The following TSKS variants were observed in gnomAD, a reference collection of about 807,000 sequenced individuals.
TSKS encodes testis specific serine kinase substrate.
TSKS carries 27 observed loss-of-function variants against 68.0 expected under a neutral mutation model. The ratio of observed to expected loss-of-function variants is 0.40; its 90% CI spans 0.29 to 0.55. The LOEUF (loss-of-function observed/expected upper bound fraction) is 0.55. Ranked by LOEUF, TSKS falls within the 20% of genes least tolerant of loss-of-function variation. TSKS has a pLI of 0.53. For synonymous variants in TSKS, 331 were observed against 340.4 expected (o/e 0.97, Z 0.30); for missense variants, 806 against 776.0 (o/e 1.04, Z -0.46).
chr19:49,744,168 C>G, intron 8 of TSKS, 63 bp downstream of exon 8: 1 of 1,545,892 alleles, frequency 6.5e-7, no homozygotes, highest in Non-Finnish European at 8.9e-7. Flanking sequence ...TGTCCCATCT[C>G]CTTCCGCATC....
At chr19:49,757,890 CTTT>C (rs745890038) in intron 2 of TSKS, among the ~76,000 whole-genome samples, 8 of 130,164 alleles carry the variant, frequency 6.1e-5, no homozygotes, top group Non-Finnish European at 6.5e-5. Context: ...TCTCTGTCTT[CTTT>C]TTTTTTTTTT....
intron 7 of TSKS, 149 bp downstream of exon 7, chr19:49,745,053 C>G (rs969674326): frequency 1.3e-6 from 1 of 741,482 alleles, no homozygotes; most frequent in Non-Finnish European, 2.1e-6. Flanking sequence ...ACCCTTCCTG[C>G]TCTCTAATTG....
At chr19:49,745,425 G>C (rs765311614) in intron 6 of TSKS, 29 bp from the exon 7 acceptor site, 12 of 1,492,114 alleles carry the variant, frequency 8.0e-6, no homozygotes, top group Admixed American at 2.1e-5. Context: ...GGAATGGGTA[G>C]GGGCTAGGCT....
intron 6 of TSKS, 73 bp from the exon 7 acceptor site, chr19:49,745,469 T>G (rs2084290682): frequency 3.8e-6 from 5 of 1,313,522 alleles, no homozygotes; most frequent in African/African-American, 1.5e-5. Context: ...ACGAGATAGG[T>G]GGGACAGGAC....
chr19:49,744,607 G>A (rs575975523), intron 7 of TSKS, among the ~76,000 whole-genome samples: 2 of 152,250 alleles, frequency 1.3e-5, no homozygotes, highest in Admixed American at 6.5e-5. Context: ...TTTTGAGCCA[G>A]GGTCTGGCTC....
chr19:49,763,268 A>G lies in TSKS; in HGVS notation c.-21T>C, dbSNP rs1390678912. 3 of 1,476,124 alleles carry G rather than the reference A, an allele frequency of 2.0e-6. No individual in the cohort carries two copies. The highest frequency in any genetic ancestry group is 2.7e-6 in the Non-Finnish European group (3 of 1,116,616). 91.4% of individuals were successfully genotyped at this position (1,476,124 alleles called of 1,614,324 possible). A position where few individuals can be genotyped will look rare whatever the true frequency, so the allele number is the denominator to read the frequency against. The stretch of plus-strand genomic sequence containing the variant: ...GCCATGGTGTGGGGGTCTGGCTCCC[A>G]GGGAGGGGCTCCTTCCTCTGAGACT... On this transcript the variant is annotated 5_prime_UTR_variant, in exon 1 of 11. Coordinates refer to ENST00000246801, the MANE Select transcript of TSKS (RefSeq NM_021733.2). This position sits in a 1 kb window ranked among gnomAD's most constrained non-coding sequence, Gnocchi z 4.5.
At position 49,745,252 on chromosome 19, in the gene TSKS, C is replaced by T. The variant is rs539802551; in HGVS notation, c.1137G>A (p.Thr379=). The change falls in exon 7 of 11, where the codon ACG becomes ACA. Residue 379 remains threonine (T), a synonymous_variant. Transcript: ENST00000246801. The stretch of plus-strand genomic sequence containing the variant: ...CTCGCAGCTCCTGCAAGTCCCGCGC[C>T]GTCTGTGCCTGTTCGCGCTGTGCCC... The part of the protein sequence containing the change: ...WERAQREQAQ[T]ARDLQELRGR... 2.1e-5 allele frequency: 33 copies of T among 1,607,726 alleles called. No individual in the cohort carries two copies. The highest frequency in any genetic ancestry group is 5.5e-5 in the South Asian group (5 of 90,932).
chr19:49,763,123 C>T lies in TSKS; in HGVS notation c.125G>A (p.Arg42Gln), dbSNP rs146466500. The T allele has an allele frequency of 4.0e-5, 65 of 1,612,212 alleles. No homozygotes were observed. Among genetic ancestry groups the T allele is most frequent in the Admixed American group, 2.3e-4 (14 of 59,818 alleles). Residue 42 changes from arginine to glutamine, a missense_variant, in exon 1 of 11, where the codon CGG becomes CAG. Coordinates refer to ENST00000246801, the MANE Select transcript of TSKS (RefSeq NM_021733.2). This position sits in a 1 kb window ranked among gnomAD's most constrained non-coding sequence, Gnocchi z 4.5. ...VPEAPRRVTSRAKGIPKKKKA... is the reference protein window; with the variant it reads ...VPEAPRRVTSQAKGIPKKKKA... ...CTTTTTCTTCGGGATCCCCTTGGCC[C>T]GGCTGGTCACCCTCCGGGGAGCCTC...
intron 1 of TSKS, among the ~76,000 whole-genome samples, chr19:49,762,537 T>C (rs1411114173): frequency 6.6e-6 from 1 of 151,616 alleles, no homozygotes; most frequent in African/African-American, 2.4e-5. Flanking sequence ...CAAGCAATTC[T>C]CCTGCCTCAG....
Position 49,763,201 on chromosome 19 carries a change from T to C in TSKS, c.47A>G (p.His16Arg), listed in dbSNP as rs777535498. 2 of 1,568,066 alleles carry C rather than the reference T, an allele frequency of 1.3e-6. No homozygotes were observed. The highest frequency in any genetic ancestry group is 1.2e-5 in the South Asian group (1 of 85,756). The change falls in exon 1 of 11, where the codon CAT (histidine) becomes CGT (arginine). Residue 16 changes from histidine (H) to arginine (R), a missense_variant. Coordinates refer to ENST00000246801, the MANE Select transcript of TSKS (RefSeq NM_021733.2). The surrounding 1 kb of genome is among the most constrained non-coding windows in gnomAD (Gnocchi z 4.5). ...VKTIWQSKEI[H>R]EAGDTPTGVE... ...CCCCGTGGGGGTGTCCCCGGCCTCATGGATCTCTTTGGACTGCCAGATCGT... is the reference window on the plus strand; with the variant it reads ...CCCCGTGGGGGTGTCCCCGGCCTCACGGATCTCTTTGGACTGCCAGATCGT...
At chr19:49,751,893 A>C (rs1600195177) in intron 2 of TSKS, among the ~76,000 whole-genome samples, 1 of 123,412 alleles carries the variant, frequency 8.1e-6, no homozygotes, top group Non-Finnish European at 1.6e-5. Flanking sequence ...TGAGACCCCA[A>C]CTCTACAAAA....
intron 2 of TSKS, among the ~76,000 whole-genome samples, chr19:49,751,497 C>T (rs1459080973): frequency 6.6e-6 from 1 of 152,032 alleles, no homozygotes; most frequent in Non-Finnish European, 1.5e-5. Flanking sequence ...GGAATTTTAA[C>T]TTATCCTAGT....
intron 8 of TSKS, 44 bp from the exon 9 acceptor site, chr19:49,742,064 T>C: frequency 1.2e-6 from 2 of 1,604,862 alleles, no homozygotes; most frequent in Non-Finnish European, 1.7e-6. Flanking sequence ...CAGTACCAAC[T>C]CCAGGACGCC....
chr19:49,745,275 C>A lies in TSKS; in HGVS notation c.1114G>T (p.Ala372Ser). 1 of 1,607,526 alleles carries A rather than the reference C, an allele frequency of 6.2e-7. No homozygotes were observed. The highest frequency in any genetic ancestry group is 1.3e-5 in the African/African-American group (1 of 75,038). The change falls in exon 7 of 11, where the codon GCA becomes TCA. Residue 372 changes from alanine (A) to serine (S), a missense_variant. Coordinates refer to ENST00000246801, the MANE Select transcript of TSKS (RefSeq NM_021733.2). ...VDGFLGQWER[A>S]QREQAQTARD... is the part of the protein sequence containing the mutation. ...GCCGTCTGTGCCTGTTCGCGCTGTG[C>A]CCGCTCCCACTGGCCTAGGAAGCCG...
chr19:49,759,193 G>A (rs563129131), intron 2 of TSKS, among the ~76,000 whole-genome samples: 3 of 151,398 alleles, frequency 2.0e-5, no homozygotes, highest in South Asian at 4.2e-4. Flanking sequence ...GGGTGAAGCC[G>A]GGAGCGGTGG....
intron 3 of TSKS, 43 bp downstream of exon 3, chr19:49,748,331 C>T (rs757456779): frequency 5.0e-6 from 8 of 1,598,114 alleles, no homozygotes; most frequent in Middle Eastern, 1.7e-4. Flanking sequence ...GGGAACTTGG[C>T]CCTGGAGGAA....
intron 5 of TSKS, 101 bp downstream of exon 5, chr19:49,747,288 T>G: frequency 6.2e-7 from 1 of 1,603,076 alleles, no homozygotes; most frequent in Non-Finnish European, 8.5e-7. Context: ...TGCAGTGTGG[T>G]GGTGGTGTCG....
At chr19:49,754,941 T>C (rs999649064) in intron 2 of TSKS, among the ~76,000 whole-genome samples, 2 of 151,892 alleles carry the variant, frequency 1.3e-5, no homozygotes, top group African/African-American at 4.8e-5. Context: ...CTACTAAAAA[T>C]ACAAAAATTA....
chr19:49,754,816 AG>A (rs1214952104), intron 2 of TSKS, among the ~76,000 whole-genome samples: 1 of 152,030 alleles, frequency 6.6e-6, no homozygotes, highest in Non-Finnish European at 1.5e-5. Context: ...ATAGGGTTGA[AG>A]GGCCAGGCGC....
Sources: allele counts gnomAD v4.1 joint callset (sites outside exome capture counted in the v4.1 genomes callset), GRCh38; gene constraint gnomAD v4.1.1; non-coding constraint Gnocchi (gnomAD v3.1); transcripts MANE v1.5; gene names NCBI Gene and HGNC (gene_info 2026-07-23, HGNC 2026-07-21).